Variants in NKAIN3 observed in about 807,000 individuals in gnomAD.
NKAIN3 encodes the protein sodium/potassium transporting ATPase interacting 3, also known as sodium/potassium-transporting ATPase subunit beta-1-interacting protein 3.
In NKAIN3, 25 loss-of-function variants were observed where a neutral mutation model predicts 30.2. The ratio of observed to expected loss-of-function variants is 0.83; its 90% CI spans 0.60 to 1.16. The LOEUF is 1.16. Among genes scored for constraint, NKAIN3 ranks in the 50% most tolerant of loss-of-function variants. NKAIN3 has a pLI of 0.00. For synonymous variants in NKAIN3, 91 were observed against 89.6 expected (o/e 1.02, Z -0.09); for missense variants, 225 against 254.1 (o/e 0.89, Z 0.78).
At chr8:62,542,732 G>A (rs1227241871) in intron 1 of NKAIN3, among the ~76,000 whole-genome samples, 1 of 152,186 alleles carries the variant, frequency 6.6e-6, no homozygotes, top group Non-Finnish European at 1.5e-5. Context: ...AAATGGGATA[G>A]TGTCTACCCA....
At chr8:62,987,675 T>TAAC (rs146834949), downstream of NKAIN3, among the ~76,000 whole-genome samples, 5,758 of 152,130 alleles carry the variant, frequency 0.038, 340 homozygotes, top group African/African-American at 0.13. Context: ...GTCCCTCCTA[T>TAAC]AACACATGGG....
intron 1 of NKAIN3, among the ~76,000 whole-genome samples, chr8:62,471,537 A>G (rs1806345143): frequency 6.6e-6 from 1 of 152,216 alleles, no homozygotes; most frequent in Non-Finnish European, 1.5e-5. Context: ...CTTATATGCA[A>G]ACACTCAGCT....
intron 4 of NKAIN3, among the ~76,000 whole-genome samples, chr8:62,805,510 T>C (rs1433898203): frequency 1.3e-5 from 2 of 152,084 alleles, no homozygotes; most frequent in South Asian, 2.1e-4. Context: ...TATCTACAAC[T>C]ATCTGATCTT....
At chr8:62,394,992 G>A (rs1379815119) in intron 1 of NKAIN3, among the ~76,000 whole-genome samples, 1 of 146,394 alleles carries the variant, frequency 6.8e-6, no homozygotes, top group Non-Finnish European at 1.5e-5. Flanking sequence ...TCGGCGGCCG[G>A]ACAGAGGCGC....
intron 4 of NKAIN3, among the ~76,000 whole-genome samples, chr8:62,873,330 T>C (rs775804614): frequency 2.6e-4 from 40 of 151,888 alleles, no homozygotes; most frequent in Admixed American, 1.2e-3. Context: ...GCATCCAGAT[T>C]CACAAAACAA....
At chr8:62,296,642 T>G (rs1452134745) in intron 1 of NKAIN3, among the ~76,000 whole-genome samples, 3 of 152,200 alleles carry the variant, frequency 2.0e-5, no homozygotes, top group African/African-American at 7.2e-5. Flanking sequence ...TTTTCACAGT[T>G]TAGTGTGAGA....
chr8:62,271,257 A>G (rs1402189923), intron 1 of NKAIN3, among the ~76,000 whole-genome samples: 1 of 152,222 alleles, frequency 6.6e-6, no homozygotes, highest in Non-Finnish European at 1.5e-5. Flanking sequence ...AGGACCACAA[A>G]TGAGGTTTTT....
At chr8:62,654,729 T>C (rs1177630349) in intron 3 of NKAIN3, among the ~76,000 whole-genome samples, 1 of 152,064 alleles carries the variant, frequency 6.6e-6, no homozygotes, top group African/African-American at 2.4e-5. Flanking sequence ...AACAAGATTT[T>C]CAAAAATTTA....
At chr8:62,345,705 A>T (rs534468202) in intron 1 of NKAIN3, among the ~76,000 whole-genome samples, 2 of 151,678 alleles carry the variant, frequency 1.3e-5, no homozygotes, top group African/African-American at 4.8e-5. Flanking sequence ...TAATCAGGTC[A>T]TCTGCAAACA....
At chr8:62,740,539 C>T (rs984153248) in intron 3 of NKAIN3, among the ~76,000 whole-genome samples, 24 of 151,826 alleles carry the variant, frequency 1.6e-4, no homozygotes, top group South Asian at 2.1e-4. Flanking sequence ...TAGACACATA[C>T]CCAAAAAAAG....
At chr8:62,863,800 T>C in intron 4 of NKAIN3, 1 of 1,611,304 alleles carries the variant, frequency 6.2e-7, no homozygotes, top group Non-Finnish European at 8.5e-7. Flanking sequence ...ATCCAAGCTT[T>C]CTAATAACAT....
At chr8:62,698,382 T>G (rs1218521509) in intron 3 of NKAIN3, among the ~76,000 whole-genome samples, 1 of 152,202 alleles carries the variant, frequency 6.6e-6, no homozygotes, top group South Asian at 2.1e-4. Flanking sequence ...GTTCAAGTTC[T>G]TCTCTCATCT....
intron 2 of NKAIN3, among the ~76,000 whole-genome samples, chr8:62,587,172 T>A (rs1332096149): frequency 6.6e-6 from 1 of 151,964 alleles, no homozygotes; most frequent in Non-Finnish European, 1.5e-5. Flanking sequence ...TCTAGCTATC[T>A]CTTTTCTTTT....
chr8:62,863,554 T>C (rs966364809), intron 4 of NKAIN3: 28 of 1,225,138 alleles, frequency 2.3e-5, no homozygotes, highest in Admixed American at 3.4e-5. Context: ...GGTGGCCAAG[T>C]ACTCCCAAGA....
intron 3 of NKAIN3, among the ~76,000 whole-genome samples, chr8:62,670,186 A>C (rs1813256898): frequency 6.6e-6 from 1 of 152,164 alleles, no homozygotes; most frequent in South Asian, 2.1e-4. Flanking sequence ...TCACGGATTA[A>C]AGAAATCAGC....
At chr8:62,786,405 A>G (rs1817518901) in intron 4 of NKAIN3, among the ~76,000 whole-genome samples, 1 of 152,120 alleles carries the variant, frequency 6.6e-6, no homozygotes, top group Non-Finnish European at 1.5e-5. Context: ...AGTACTTTCC[A>G]GTAAAACCCT....
chr8:62,750,570 G>GGC (rs1816243897), intron 4 of NKAIN3, among the ~76,000 whole-genome samples: 1 of 152,066 alleles, frequency 6.6e-6, no homozygotes, highest in South Asian at 2.1e-4. Context: ...AGCTTCTGCC[G>GGC]GCGCCTCTGT....
intron 3 of NKAIN3, among the ~76,000 whole-genome samples, chr8:62,705,344 C>G (rs1814484246): frequency 6.6e-6 from 1 of 152,112 alleles, no homozygotes; most frequent in African/African-American, 2.4e-5. Context: ...ACCAACTGAA[C>G]AGAGACCCTG....
intron 1 of NKAIN3, chr8:62,482,049 G>A (rs1415646778): frequency 6.6e-6 from 1 of 152,164 alleles, no homozygotes; most frequent in Non-Finnish European, 1.5e-5. Context: ...GGGCCCTGAG[G>A]CCTTGTCGAG....
Sources: gnomAD v4.1 joint callset for allele counts (sites outside exome capture counted in the v4.1 genomes callset) on GRCh38, gnomAD v4.1.1 for gene constraint, MANE v1.5 for transcripts, NCBI Gene and HGNC (gene_info 2026-07-23, HGNC 2026-07-21) for gene names.